WWOX: variants seen among roughly 807,000 people sequenced by gnomAD.
WWOX encodes the protein WW domain containing oxidoreductase, also known as WW domain-containing oxidoreductase.
Under a neutral mutation model 46.2 loss-of-function variants are expected in WWOX, and 69 were observed. The ratio of observed to expected loss-of-function variants is 1.49; its 90% CI spans 1.23 to 1.82. WWOX has a LOEUF of 1.82. Ranked by LOEUF, WWOX falls within the 40% of genes most tolerant of loss-of-function variation. The probability of loss-of-function intolerance (pLI) is 0.00; values close to 1 mark genes in which losing one functional copy is unlikely to be tolerated. For missense variants in WWOX, 919 were observed against 542.6 expected, an observed-to-expected ratio of 1.69 and a Z score of -6.89; for synonymous variants, 359 against 202.6, an observed-to-expected ratio of 1.77 and a Z score of -6.56.
At chr16:78,713,378 C>G (rs1008505641) in intron 8 of WWOX, among the ~76,000 whole-genome samples, 1 of 150,674 alleles carries the variant, frequency 6.6e-6, no homozygotes, top group African/African-American at 2.5e-5. Context: ...GGTAACAGGA[C>G]CAGCAGAGCT....
At chr16:78,817,304 G>C (rs11643218) in intron 8 of WWOX, among the ~76,000 whole-genome samples, 1 of 146,908 alleles carries the variant, frequency 6.8e-6, no homozygotes, top group East Asian at 2.1e-4. Flanking sequence ...AGACTTGATA[G>C]AATTCTGATT....
At chr16:78,210,829 A>G (rs955922579) in intron 5 of WWOX, among the ~76,000 whole-genome samples, 1 of 152,194 alleles carries the variant, frequency 6.6e-6, no homozygotes, top group Non-Finnish European at 1.5e-5. Context: ...CTGTGGTTTA[A>G]TATGTTATCT....
At chr16:79,184,881 G>C (rs2050982577) in intron 8 of WWOX, among the ~76,000 whole-genome samples, 1 of 152,198 alleles carries the variant, frequency 6.6e-6, no homozygotes. Flanking sequence ...ATCAGTCAAG[G>C]AACAATCAAG....
At chr16:78,384,916 A>C (rs12448113) in intron 5 of WWOX, among the ~76,000 whole-genome samples, 9,067 of 152,152 alleles carry the variant, frequency 0.06, 342 homozygotes, top group Middle Eastern at 0.11. Context: ...TGGGTGGATC[A>C]CAAGGTCAAG....
intron 5 of WWOX, among the ~76,000 whole-genome samples, chr16:78,180,509 C>G (rs1285483367): frequency 6.6e-6 from 1 of 151,636 alleles, no homozygotes; most frequent in Non-Finnish European, 1.5e-5. Context: ...TTGGGCAAAT[C>G]CAGCTGCACA....
At chr16:78,589,853 C>G (rs959692875) in intron 8 of WWOX, among the ~76,000 whole-genome samples, 8 of 152,138 alleles carry the variant, frequency 5.3e-5, no homozygotes, top group East Asian at 3.9e-4. Context: ...GATGCTACTT[C>G]TTAGCTGCAA....
chr16:78,791,873 T>G (rs1169546666), intron 8 of WWOX, among the ~76,000 whole-genome samples: 1 of 152,096 alleles, frequency 6.6e-6, no homozygotes. Flanking sequence ...GTGAAACTTT[T>G]GTCTCAAAAA....
chr16:78,905,989 G>C (rs1305116185), intron 8 of WWOX, among the ~76,000 whole-genome samples: 1 of 152,168 alleles, frequency 6.6e-6, no homozygotes, highest in Non-Finnish European at 1.5e-5. Flanking sequence ...TTGCCACTTA[G>C]TAATATTTTG....
chr16:78,215,874 C>T (rs933884674), intron 5 of WWOX, among the ~76,000 whole-genome samples: 7 of 150,660 alleles, frequency 4.6e-5, no homozygotes, highest in African/African-American at 1.2e-4. Context: ...TTCAGTGAGC[C>T]GAGATCATGC....
intron 8 of WWOX, among the ~76,000 whole-genome samples, chr16:78,757,811 A>G (rs2049693060): frequency 6.6e-6 from 1 of 152,074 alleles, no homozygotes; most frequent in African/African-American, 2.4e-5. Context: ...ACAGAGGAAG[A>G]GATCATCTTT....
intron 5 of WWOX, among the ~76,000 whole-genome samples, chr16:78,345,381 G>A (rs530645151): frequency 2.0e-5 from 2 of 98,596 alleles, no homozygotes; most frequent in African/African-American, 3.5e-5. Context: ...AGCACTTTGC[G>A]AGGCCAAGGT....
intron 8 of WWOX, among the ~76,000 whole-genome samples, chr16:78,624,615 A>G (rs2046268239): frequency 6.6e-6 from 1 of 152,202 alleles, no homozygotes; most frequent in Non-Finnish European, 1.5e-5. Context: ...AATTCAGAAA[A>G]TCACTCATTT....
At chr16:78,803,331 T>C (rs992847176) in intron 8 of WWOX, among the ~76,000 whole-genome samples, 1 of 152,126 alleles carries the variant, frequency 6.6e-6, no homozygotes, top group East Asian at 1.9e-4. Context: ...AGAAAGTCTA[T>C]AGTCAAATTG....
intron 8 of WWOX, among the ~76,000 whole-genome samples, chr16:78,976,597 C>T (rs528140527): frequency 9.9e-5 from 15 of 152,160 alleles, no homozygotes; most frequent in African/African-American, 2.2e-4. Context: ...AAAAGCATGG[C>T]GTTGCGTTTC....
intron 8 of WWOX, among the ~76,000 whole-genome samples, chr16:78,871,766 AT>A (rs1265219569): frequency 6.6e-6 from 1 of 151,930 alleles, no homozygotes; most frequent in Non-Finnish European, 1.5e-5. Flanking sequence ...TACCCACCTA[AT>A]TTTTTGTATC....
At chr16:78,581,558 A>T (rs992931031) in intron 8 of WWOX, among the ~76,000 whole-genome samples, 2 of 152,126 alleles carry the variant, frequency 1.3e-5, no homozygotes, top group African/African-American at 4.8e-5. Context: ...ATCTTTTTAG[A>T]TTTATTGTGA....
At chr16:79,112,704 A>G (rs963384439) in intron 8 of WWOX, among the ~76,000 whole-genome samples, 3 of 152,220 alleles carry the variant, frequency 2.0e-5, no homozygotes, top group Non-Finnish European at 2.9e-5. Flanking sequence ...ATTTATTCAT[A>G]GTCGTAAAGT....
intron 8 of WWOX, among the ~76,000 whole-genome samples, chr16:78,504,413 A>T (rs577603666): frequency 2.0e-5 from 3 of 152,212 alleles, no homozygotes; most frequent in African/African-American, 7.2e-5. Flanking sequence ...AGCAAGCTTG[A>T]TCTCTCAGAA....
In WWOX at chr16:79,160,214, C is replaced by T. The variant is rs570290706; in HGVS notation, c.1057-51394C>T. On this transcript the variant is annotated intron_variant, in intron 8 of 8. Coordinates refer to ENST00000566780, the MANE Select transcript of WWOX (RefSeq NM_016373.4). ...AGATGGGAGCTGTCAGTTGTGAGAG[C>T]TCCTATGGGAAGAGTGTTTTGATGT... 2.0e-5 allele frequency among the ~76,000 whole-genome samples: 3 copies of T among 152,298 alleles called. No homozygotes were observed. The East Asian group carries it at 5.8e-4, about 29-fold the overall frequency.
Sources: gnomAD v4.1 joint callset for allele counts (sites outside exome capture counted in the v4.1 genomes callset) on GRCh38, gnomAD v4.1.1 for gene constraint, MANE v1.5 for transcripts, NCBI Gene and HGNC (gene_info 2026-07-23, HGNC 2026-07-21) for gene names.